Variants in TMEM114 observed in about 807,000 individuals in gnomAD.
TMEM114 encodes the protein claudin-26.
In TMEM114, 6 loss-of-function variants were observed where a neutral mutation model predicts 6.2. The ratio of observed to expected loss-of-function variants is 0.97; its 90% CI spans 0.53 to 1.91. The LOEUF (loss-of-function observed/expected upper bound fraction) is 1.91. TMEM114 is among the 40% of genes most tolerant of loss of function. The pLI, the probability that TMEM114 is intolerant of heterozygous loss-of-function variation, is 0.01. For synonymous variants in TMEM114, 104 were observed against 73.0 expected (o/e 1.42, Z -2.16); for missense variants, 218 against 158.3 (o/e 1.38, Z -2.02).
intron 2 of TMEM114, among the ~76,000 whole-genome samples, chr16:8,558,617 C>A (rs752321521): frequency 3.2e-4 from 48 of 152,272 alleles, no homozygotes; most frequent in Non-Finnish European, 5.1e-4. Context: ...GGGGCACATG[C>A]TTGAACCTCC....
chr16:8,568,820 G>C (rs888227795), downstream of TMEM114, among the ~76,000 whole-genome samples: 1 of 152,222 alleles, frequency 6.6e-6, no homozygotes, highest in Non-Finnish European at 1.5e-5. Context: ...CAGCCCTAGA[G>C]AATATCAGAT....
At chr16:8,561,530 C>T (rs961940236) in intron 2 of TMEM114, among the ~76,000 whole-genome samples, 1 of 152,190 alleles carries the variant, frequency 6.6e-6, no homozygotes, top group Non-Finnish European at 1.5e-5. Flanking sequence ...ACTGCTAAAT[C>T]CTTGGTGTTT....
chr16:8,565,033 ATGAGTGAGTGAATGAGTGAG>A (rs1191331275), downstream of TMEM114, among the ~76,000 whole-genome samples: 804 of 149,064 alleles, frequency 5.4e-3, 7 homozygotes, highest in Middle Eastern at 0.011. Context: ...GAGTGAGTGA[ATGAGTGAGTGAATGAGTGAG>A]TGAGTGAGTG....
chr16:8,580,346 AC>A (rs1902094299), intron 2 of TMEM114, among the ~76,000 whole-genome samples: 1 of 151,892 alleles, frequency 6.6e-6, no homozygotes, highest in Admixed American at 6.6e-5. Flanking sequence ...AATTAGCTGG[AC>A]GTGGTGATGT....
chr16:8,533,151 A>G (rs1380015134), downstream of TMEM114, among the ~76,000 whole-genome samples: 1 of 98,546 alleles, frequency 1.0e-5, no homozygotes, highest in Non-Finnish European at 2.3e-5. Context: ...AAGCACACAT[A>G]AACAAAAGCA....
At position 8,576,630 on chromosome 16, in the gene TMEM114, A is replaced by C. The variant is rs558210783; in HGVS notation, c.302-4406T>G. Among the ~76,000 whole-genome samples the C allele has an allele frequency of 3.0e-4, 46 of 152,238 alleles. 1 individual carries two copies. Among genetic ancestry groups the C allele is most frequent in the Middle Eastern group, 6.8e-3 (2 of 294 alleles). ...ATTCTTGCACATCCCTGAATGCCCA[A>C]TAACTTGCAACACAGAACCTAGAAT... On this transcript the variant is annotated intron_variant, in intron 2 of 3. Coordinates refer to ENST00000620492, the MANE Select transcript of TMEM114 (RefSeq NM_001146336.2).
At chr16:8,534,352 G>GAAAAA (rs151135400), downstream of TMEM114, among the ~76,000 whole-genome samples, 1 of 148,616 alleles carries the variant, frequency 6.7e-6, no homozygotes, top group East Asian at 2.0e-4. Flanking sequence ...TTGCTTATTT[G>GAAAAA]AAAAAAAAAA....
chr16:8,564,493 G>A (rs1373495035), intron 2 of TMEM114, among the ~76,000 whole-genome samples: 1 of 137,722 alleles, frequency 7.3e-6, no homozygotes. Flanking sequence ...GAATGAATGA[G>A]TGAATGAGTG....
Position 8,569,588 on chromosome 16 carries a change from G to A in TMEM114, c.*185C>T. The A allele has an allele frequency of 7.0e-7, 1 of 1,429,060 alleles. No individual in the cohort carries two copies. Among genetic ancestry groups the A allele is most frequent in the Non-Finnish European group, 9.1e-7 (1 of 1,095,388 alleles). The allele number at this position is 1,429,060 out of a possible 1,614,324, so 88.5% of individuals were successfully genotyped here. A position where few individuals can be genotyped will look rare whatever the true frequency, so the allele number is the denominator to read the frequency against. ...GCCACACGGACACACACGGACATAA[G>A]CACACAGGTACTAGGATAACAGCCA... On this transcript the variant is annotated 3_prime_UTR_variant, in exon 4 of 4. Transcript: ENST00000620492.
intron 2 of TMEM114, among the ~76,000 whole-genome samples, chr16:8,577,591 G>GT (rs71396283): frequency 0.087 from 12,716 of 146,806 alleles, 766 homozygotes; most frequent in African/African-American, 0.16. Context: ...TTTGTTTTTT[G>GT]TTTTTTTTTT....
intron 2 of TMEM114, among the ~76,000 whole-genome samples, chr16:8,558,414 T>C (rs968355942): frequency 4.6e-5 from 7 of 151,938 alleles, no homozygotes; most frequent in Non-Finnish European, 8.8e-5. Context: ...TCTGTCTTCA[T>C]GTGGCCTTCT....
chr16:8,560,236 G>C (rs925604195), intron 2 of TMEM114, among the ~76,000 whole-genome samples: 1 of 151,832 alleles, frequency 6.6e-6, no homozygotes, highest in African/African-American at 2.4e-5. Context: ...GGGCTCAAGC[G>C]ATCCTCCTGT....
At chr16:8,553,489 CTTTCT>C (rs1900908213) in intron 2 of TMEM114, among the ~76,000 whole-genome samples, 2 of 120,412 alleles carry the variant, frequency 1.7e-5, no homozygotes, top group Admixed American at 1.7e-4. Flanking sequence ...CTCAGCTTTT[CTTTCT>C]TTTTTTTTTG....
intron 2 of TMEM114, among the ~76,000 whole-genome samples, chr16:8,545,143 C>G (rs1900623916): frequency 6.6e-6 from 1 of 152,146 alleles, no homozygotes; most frequent in Admixed American, 6.5e-5. Context: ...TTCTTGATCA[C>G]TAGTCTATTT....
At chr16:8,589,174 C>T in intron 2 of TMEM114, 39 bp downstream of exon 2, 1 of 398,646 alleles carries the variant, frequency 2.5e-6, no homozygotes, top group Non-Finnish European at 4.4e-6. Context: ...ACGGCTAGGA[C>T]CGGGGCGCTC....
intron 2 of TMEM114, among the ~76,000 whole-genome samples, chr16:8,547,555 G>T (rs1050189908): frequency 1.9e-4 from 29 of 152,000 alleles, no homozygotes; most frequent in Non-Finnish European, 2.9e-5. Flanking sequence ...ACTACGCCTG[G>T]CCAATTTTTG....
At chr16:8,586,299 C>T (rs1046392494) in intron 2 of TMEM114, among the ~76,000 whole-genome samples, 4 of 152,076 alleles carry the variant, frequency 2.6e-5, no homozygotes, top group South Asian at 2.1e-4. Flanking sequence ...AGGCAAGGTC[C>T]GTTTTGTTTA....
chr16:8,535,875 C>T (rs1174615976), downstream of TMEM114, among the ~76,000 whole-genome samples: 1 of 152,154 alleles, frequency 6.6e-6, no homozygotes, highest in Non-Finnish European at 1.5e-5. Context: ...TGGGTCGATC[C>T]TGAGCAAGTG....
intron 2 of TMEM114, among the ~76,000 whole-genome samples, chr16:8,561,596 G>A (rs115227373): frequency 1.8e-4 from 28 of 152,316 alleles, no homozygotes; most frequent in East Asian, 9.6e-4. Flanking sequence ...TGAATGAGTC[G>A]ATGAGCATAT....
Sources: allele counts gnomAD v4.1 joint callset (sites outside exome capture counted in the v4.1 genomes callset), GRCh38; gene constraint gnomAD v4.1.1; transcripts MANE v1.5; gene names NCBI Gene and HGNC (gene_info 2026-07-23, HGNC 2026-07-21).